The following ADAM32 variants were observed in gnomAD, a reference collection of about 807,000 sequenced individuals.
The protein encoded by ADAM32 is ADAM metallopeptidase domain 32, also known as disintegrin and metalloproteinase domain-containing protein 32.
ADAM32 carries 89 observed loss-of-function variants against 114.9 expected under a neutral mutation model. The ratio of observed to expected loss-of-function variants is 0.77; its 90% CI spans 0.65 to 0.92. The LOEUF (loss-of-function observed/expected upper bound fraction) is 0.92, where lower values mean the gene tolerates loss of function less well. Among genes scored for constraint, ADAM32 ranks in the 40% least tolerant of loss-of-function variants. ADAM32 has a pLI of 0.00. For synonymous variants in ADAM32, 285 were observed against 307.5 expected (o/e 0.93, Z 0.77); for missense variants, 870 against 932.8 (o/e 0.93, Z 0.88).
intron 10 of ADAM32, among the ~76,000 whole-genome samples, chr8:39,183,057 G>A (rs1486108218): frequency 6.6e-6 from 1 of 152,180 alleles, no homozygotes; most frequent in Non-Finnish European, 1.5e-5. Context: ...TACTGGCTGG[G>A]TTCTGTGATT....
intron 11 of ADAM32, 148 bp downstream of exon 11, chr8:39,187,193 G>C: frequency 1.5e-6 from 1 of 679,576 alleles, no homozygotes; most frequent in Non-Finnish European, 2.3e-6. Flanking sequence ...TGTAAAAGTA[G>C]TATAAAGTAT....
At chr8:39,255,048 T>C (rs1025868781) in intron 18 of ADAM32, among the ~76,000 whole-genome samples, 1 of 151,924 alleles carries the variant, frequency 6.6e-6, no homozygotes, top group African/African-American at 2.4e-5. Flanking sequence ...AATGCTATTA[T>C]TTTGTTCCTT....
At chr8:39,198,999 A>C (rs1191707688) in intron 11 of ADAM32, among the ~76,000 whole-genome samples, 2 of 152,088 alleles carry the variant, frequency 1.3e-5, no homozygotes, top group Admixed American at 6.6e-5. Flanking sequence ...TTCTTGGCTG[A>C]TAGTTGTTTT....
intron 6 of ADAM32, among the ~76,000 whole-genome samples, chr8:39,152,825 C>T (rs1336711611): frequency 6.6e-6 from 1 of 152,134 alleles, no homozygotes; most frequent in Non-Finnish European, 1.5e-5. Flanking sequence ...TCTCAACCTC[C>T]CTTACCTCTA....
chr8:39,201,264 T>C (rs968030573), intron 11 of ADAM32, among the ~76,000 whole-genome samples: 4 of 152,194 alleles, frequency 2.6e-5, no homozygotes, highest in African/African-American at 9.7e-5. Context: ...GAGCATGGAA[T>C]GTTCTTCCAT....
chr8:39,139,385 C>A (rs541919069), intron 3 of ADAM32, among the ~76,000 whole-genome samples: 77 of 152,296 alleles, frequency 5.1e-4, no homozygotes, highest in African/African-American at 1.7e-3. Context: ...TTTCAACTTT[C>A]TATATATGGC....
chr8:39,227,047 G>T (rs1452390151), intron 14 of ADAM32, among the ~76,000 whole-genome samples: 2 of 152,198 alleles, frequency 1.3e-5, no homozygotes, highest in Non-Finnish European at 2.9e-5. Context: ...AAGGGACAGG[G>T]TGTGGTGGCT....
rs138623982 is a variant in ADAM32, at chr8:39,241,303, C to A, written c.1819-4780C>A. ...CTGCAGCTTTTCCAGGCAAACAGTG[C>A]AAGCTGTAGGTGGATCTACCATTCT... On this transcript the variant is annotated intron_variant, in intron 16 of 24. Coordinates refer to ENST00000379907, the MANE Select transcript of ADAM32 (RefSeq NM_145004.7). 8.8e-3 allele frequency among the ~76,000 whole-genome samples: 1,337 copies of A among 152,340 alleles called. 26 individuals carry two copies. Among genetic ancestry groups the A allele is most frequent in the African/African-American group, 0.031 (1,277 of 41,582 alleles).
At chr8:39,129,318 C>A (rs1333470778) in intron 2 of ADAM32, among the ~76,000 whole-genome samples, 1 of 152,064 alleles carries the variant, frequency 6.6e-6, no homozygotes, top group Non-Finnish European at 1.5e-5. Context: ...TCTTTTAACA[C>A]TGAATTTCTT....
intron 3 of ADAM32, among the ~76,000 whole-genome samples, chr8:39,139,069 A>C (rs1444420498): frequency 6.6e-6 from 1 of 151,922 alleles, no homozygotes; most frequent in Non-Finnish European, 1.5e-5. Context: ...TAGATTCTGG[A>C]TATTAGCCCT....
At chr8:39,131,480 G>T (rs934656597) in intron 2 of ADAM32, among the ~76,000 whole-genome samples, 1 of 152,178 alleles carries the variant, frequency 6.6e-6, no homozygotes, top group Non-Finnish European at 1.5e-5. Context: ...GACAGAATGA[G>T]ACTGTCAGTA....
intron 2 of ADAM32, among the ~76,000 whole-genome samples, chr8:39,122,490 C>A (rs549781854): frequency 6.6e-6 from 1 of 152,120 alleles, no homozygotes; most frequent in Non-Finnish European, 1.5e-5. Context: ...ACCTACACGC[C>A]GTAAAGAGAG....
intron 7 of ADAM32, among the ~76,000 whole-genome samples, chr8:39,164,295 G>C (rs961485910): frequency 1.3e-5 from 2 of 152,218 alleles, no homozygotes; most frequent in African/African-American, 2.4e-5. Flanking sequence ...TATCCAGGCA[G>C]TTCCATATAT....
chr8:39,213,527 T>C (rs534527592), intron 12 of ADAM32, among the ~76,000 whole-genome samples: 10 of 152,172 alleles, frequency 6.6e-5, no homozygotes, highest in Non-Finnish European at 1.0e-4. Context: ...TAGATGTGTA[T>C]ATTTATACAT....
At chr8:39,204,548 C>T (rs200163122) in intron 11 of ADAM32, among the ~76,000 whole-genome samples, 1 of 152,104 alleles carries the variant, frequency 6.6e-6, no homozygotes, top group African/African-American at 2.4e-5. Context: ...TTTTTTCAAG[C>T]TTTTTAGCTT....
intron 2 of ADAM32, among the ~76,000 whole-genome samples, chr8:39,122,850 T>C (rs1801859524): frequency 6.6e-6 from 1 of 152,242 alleles, no homozygotes; most frequent in Non-Finnish European, 1.5e-5. Flanking sequence ...ATTACAGGCA[T>C]GAGCCACCAC....
intron 24 of ADAM32, 82 bp from the exon 25 acceptor site, chr8:39,284,711 G>T: frequency 6.8e-7 from 1 of 1,477,662 alleles, no homozygotes. Flanking sequence ...TTTTCCACTT[G>T]GCAATACCTC....
At chr8:39,245,600 A>T (rs1810864412) in intron 16 of ADAM32, among the ~76,000 whole-genome samples, 2 of 152,208 alleles carry the variant, frequency 1.3e-5, no homozygotes, top group African/African-American at 4.8e-5. Context: ...ATGTGAGGAC[A>T]TAGGGAGAAG....
intron 14 of ADAM32, among the ~76,000 whole-genome samples, chr8:39,230,534 A>G (rs777362243): frequency 2.6e-5 from 4 of 152,170 alleles, no homozygotes; most frequent in Non-Finnish European, 5.9e-5. Context: ...CTTTCTTCGG[A>G]TAATCTCTCA....
Sources: gnomAD v4.1 joint callset for allele counts (sites outside exome capture counted in the v4.1 genomes callset) on GRCh38, gnomAD v4.1.1 for gene constraint, MANE v1.5 for transcripts, NCBI Gene and HGNC (gene_info 2026-07-23, HGNC 2026-07-21) for gene names.